Variants in LRMDA observed in about 807,000 individuals in gnomAD.
LRMDA encodes leucine rich melanocyte differentiation associated, also known as leucine-rich melanocyte differentiation-associated protein.
LRMDA carries 18 observed loss-of-function variants against 29.8 expected under a neutral mutation model. The observed-to-expected ratio is 0.60, with a 90% CI of 0.42 to 0.90. The LOEUF (loss-of-function observed/expected upper bound fraction) is 0.90, where lower values mean the gene tolerates loss of function less well. LRMDA is among the 40% of genes least tolerant of loss of function. The pLI is 0.00. For missense variants in LRMDA, 273 were observed against 273.9 expected (o/e 1.00, Z 0.02); for synonymous variants, 125 against 109.4 (o/e 1.14, Z -0.89).
intron 5 of LRMDA, among the ~76,000 whole-genome samples, chr10:76,198,114 C>T (rs1851363666): frequency 1.3e-5 from 2 of 152,134 alleles, no homozygotes; most frequent in African/African-American, 4.8e-5. Context: ...ACCATTTCTT[C>T]CAAGACTTCT....
chr10:76,111,817 G>A (rs531028607), intron 5 of LRMDA, among the ~76,000 whole-genome samples: 1 of 151,940 alleles, frequency 6.6e-6, no homozygotes, highest in African/African-American at 2.4e-5. Flanking sequence ...GGTGGGGGGG[G>A]GCGCATGGTG....
intron 6 of LRMDA, among the ~76,000 whole-genome samples, chr10:76,541,039 A>T (rs1488618831): frequency 2.0e-5 from 3 of 152,188 alleles, no homozygotes; most frequent in Admixed American, 6.5e-5. Context: ...ACCATGAAGG[A>T]AATCATTCCT....
At chr10:75,938,666 C>T (rs147189594) in intron 2 of LRMDA, among the ~76,000 whole-genome samples, 203 of 152,190 alleles carry the variant, frequency 1.3e-3, no homozygotes, top group African/African-American at 4.6e-3. Flanking sequence ...AATCAAGGTA[C>T]GAGTAATGAA....
At chr10:75,968,958 C>T (rs1434151307) in intron 2 of LRMDA, among the ~76,000 whole-genome samples, 1 of 151,812 alleles carries the variant, frequency 6.6e-6, no homozygotes, top group Non-Finnish European at 1.5e-5. Context: ...TTTTAGCCCT[C>T]AGCCCCTCAT....
At chr10:75,598,495 T>TGA (rs910278295) in intron 2 of LRMDA, among the ~76,000 whole-genome samples, 1 of 152,040 alleles carries the variant, frequency 6.6e-6, no homozygotes, top group Admixed American at 6.5e-5. Flanking sequence ...GTATGTTTTC[T>TGA]GAGAGAGCTG....
At chr10:75,708,432 T>C (rs1443331149) in intron 2 of LRMDA, among the ~76,000 whole-genome samples, 1 of 152,216 alleles carries the variant, frequency 6.6e-6, no homozygotes, top group Non-Finnish European at 1.5e-5. Flanking sequence ...TCCACCATTT[T>C]CCGGGTTTGT....
chr10:75,855,815 A>G (rs1346883868), intron 2 of LRMDA, among the ~76,000 whole-genome samples: 2 of 152,250 alleles, frequency 1.3e-5, no homozygotes, highest in Non-Finnish European at 2.9e-5. Context: ...CATTTATTAA[A>G]TATGGAATCG....
chr10:75,778,075 ATTTC>A (rs1165099914), intron 2 of LRMDA, among the ~76,000 whole-genome samples: 2 of 151,670 alleles, frequency 1.3e-5, no homozygotes, highest in African/African-American at 2.4e-5. Context: ...TTGTCCATCT[ATTTC>A]TTTCTTTCTT....
At chr10:75,750,206 G>A (rs1368508244) in intron 2 of LRMDA, among the ~76,000 whole-genome samples, 1 of 151,658 alleles carries the variant, frequency 6.6e-6, no homozygotes, top group Non-Finnish European at 1.5e-5. Flanking sequence ...TGGGGTGGTC[G>A]GGCAGAGGCG....
At chr10:75,570,143 A>T (rs1248624352) in intron 2 of LRMDA, among the ~76,000 whole-genome samples, 1 of 152,194 alleles carries the variant, frequency 6.6e-6, no homozygotes, top group Non-Finnish European at 1.5e-5. Flanking sequence ...TTGCCCTTAG[A>T]GATACATGAC....
chr10:75,854,742 C>A (rs1446911205), intron 2 of LRMDA, among the ~76,000 whole-genome samples: 2 of 151,750 alleles, frequency 1.3e-5, no homozygotes, highest in Non-Finnish European at 2.9e-5. Context: ...CAACAGGCCC[C>A]AGTGTGTGAT....
chr10:76,362,655 G>C (rs1841326113), intron 6 of LRMDA, among the ~76,000 whole-genome samples: 2 of 152,024 alleles, frequency 1.3e-5, no homozygotes, highest in South Asian at 4.2e-4. Flanking sequence ...TCCAAATATT[G>C]AACATTGCAC....
At chr10:75,486,016 T>C (rs965797682) in intron 2 of LRMDA, among the ~76,000 whole-genome samples, 3 of 152,234 alleles carry the variant, frequency 2.0e-5, no homozygotes, top group African/African-American at 4.8e-5. Flanking sequence ...ACTGTGCGTA[T>C]TTAAAGCTGT....
At chr10:76,092,302 G>C (rs565922161) in intron 5 of LRMDA, among the ~76,000 whole-genome samples, 15 of 152,344 alleles carry the variant, frequency 9.8e-5, no homozygotes, top group Non-Finnish European at 1.8e-4. Flanking sequence ...AGGCTATGCA[G>C]TGCAGGATCT....
At chr10:75,750,629 A>G (rs1416499472) in intron 2 of LRMDA, among the ~76,000 whole-genome samples, 1 of 107,028 alleles carries the variant, frequency 9.3e-6, no homozygotes, top group Non-Finnish European at 1.9e-5. Context: ...CGCTCCTCAC[A>G]TCCCAGATGA....
chr10:76,182,825 C>A (rs1328067393), intron 5 of LRMDA, among the ~76,000 whole-genome samples: 1 of 152,106 alleles, frequency 6.6e-6, no homozygotes, highest in Non-Finnish European at 1.5e-5. Context: ...GAAGACTGGA[C>A]AAGACAGACT....
chr10:76,038,569 T>A (rs574884791), intron 3 of LRMDA, among the ~76,000 whole-genome samples: 2 of 152,348 alleles, frequency 1.3e-5, no homozygotes, highest in Admixed American at 1.3e-4. Context: ...GTGAAGATCA[T>A]CTTCCCCATC....
rs371397495 is a variant in LRMDA, at chr10:75,946,422, G to T, written c.132-89586G>T. Reference sequence around the variant, plus strand: ...ACATGGAGCATCTGACTGCACATGGGCCTTGGGATGCTTCTCTCATAAATG... The same window carrying T: ...ACATGGAGCATCTGACTGCACATGGTCCTTGGGATGCTTCTCTCATAAATG... On this transcript the variant is annotated intron_variant, in intron 2 of 6. Coordinates refer to ENST00000611255, the MANE Select transcript of LRMDA (RefSeq NM_001305581.2). 7.2e-5 allele frequency among the ~76,000 whole-genome samples: 11 copies of T among 152,318 alleles called. 1 individual carries two copies. In the East Asian group the frequency reaches 1.5e-3, roughly 21 times the overall value.
At chr10:76,132,688 G>T (rs902848381) in intron 5 of LRMDA, among the ~76,000 whole-genome samples, 3 of 152,164 alleles carry the variant, frequency 2.0e-5, no homozygotes, top group African/African-American at 7.2e-5. Flanking sequence ...ATGAGTACGA[G>T]TATCGGAGTA....
Sources: allele counts gnomAD v4.1 joint callset (sites outside exome capture counted in the v4.1 genomes callset), GRCh38; gene constraint gnomAD v4.1.1; transcripts MANE v1.5; gene names NCBI Gene and HGNC (gene_info 2026-07-23, HGNC 2026-07-21).